PPIP5K1: variants seen among roughly 807,000 people sequenced by gnomAD.
The protein encoded by PPIP5K1 is inositol hexakisphosphate and diphosphoinositol-pentakisphosphate kinase 1.
In PPIP5K1, 6 loss-of-function variants were observed where a neutral mutation model predicts 27.7. The ratio of observed to expected loss-of-function variants is 0.22; its 90% CI spans 0.12 to 0.43. The LOEUF is 0.43. Ranked by LOEUF, PPIP5K1 falls within the 20% of genes least tolerant of loss-of-function variation. PPIP5K1 has a pLI of 1.00. For synonymous variants in PPIP5K1, 145 were observed against 242.6 expected (o/e 0.60, Z 3.74); for missense variants, 394 against 635.4 (o/e 0.62, Z 4.08).
At chr15:43,539,334 T>G in intron 31 of PPIP5K1, 136 bp downstream of exon 31, 1 of 686,596 alleles carries the variant, frequency 1.5e-6, no homozygotes, top group Non-Finnish European at 2.6e-6. Context: ...AAATGGCAGA[T>G]GAGACTGCTT....
intron 30 of PPIP5K1, among the ~76,000 whole-genome samples, chr15:43,543,746 C>G (rs910423717): frequency 6.6e-6 from 1 of 151,394 alleles, no homozygotes. Context: ...TGAAAATCCT[C>G]GTTCCTAATA....
At chr15:43,558,389 A>G (rs2141102984) in intron 30 of PPIP5K1, among the ~76,000 whole-genome samples, 1 of 152,036 alleles carries the variant, frequency 6.6e-6, no homozygotes, top group East Asian at 1.9e-4. Flanking sequence ...CACCGCACCC[A>G]GCTAATTTTG....
At chr15:43,538,462 G>A (rs920093494) in intron 31 of PPIP5K1, among the ~76,000 whole-genome samples, 24 of 152,230 alleles carry the variant, frequency 1.6e-4, no homozygotes, top group African/African-American at 5.8e-4. Context: ...ATTGAAAACA[G>A]GCAACAGAGA....
At chr15:43,548,513 G>A (rs2081672112) in intron 30 of PPIP5K1, 1 of 149,180 alleles carries the variant, frequency 6.7e-6, no homozygotes, top group Non-Finnish European at 1.5e-5. Flanking sequence ...GCCTCCCAAA[G>A]TGTTGGGATT....
chr15:43,538,662 C>T (rs988209282), intron 31 of PPIP5K1, among the ~76,000 whole-genome samples: 2 of 152,166 alleles, frequency 1.3e-5, no homozygotes, highest in African/African-American at 4.8e-5. Flanking sequence ...CAGGCACCCA[C>T]CACCACGCTC....
chr15:43,545,365 A>G (rs1261650377), intron 30 of PPIP5K1, among the ~76,000 whole-genome samples: 1 of 152,076 alleles, frequency 6.6e-6, no homozygotes, highest in Non-Finnish European at 1.5e-5. Context: ...CCAATCTAAC[A>G]GGTGAGAAAT....
rs1249887922 is a variant in PPIP5K1 at position 43,534,891 on chromosome 15, T to C, written c.4256A>G (p.Gln1419Arg). The C allele has an allele frequency of 6.2e-7, 1 of 1,614,166 alleles. No homozygotes were observed. The highest frequency in any genetic ancestry group is 8.5e-7 in the Non-Finnish European group (1 of 1,180,002). Residue 1419 changes from glutamine to arginine, a missense_variant, in exon 32 of 32, where the codon CAG becomes CGG. Transcript: ENST00000420765. ...KFHVGVGSLV[Q>R]ETLVEVGSPA... ...GCTGCCAACTTCTACAAGGGTTTCCTGGACCAAGCTACCAACCCCTACATG... is the reference window on the plus strand; with the variant it reads ...GCTGCCAACTTCTACAAGGGTTTCCCGGACCAAGCTACCAACCCCTACATG...
chr15:43,536,789 C>T (rs1399992110), intron 31 of PPIP5K1, among the ~76,000 whole-genome samples: 1 of 152,178 alleles, frequency 6.6e-6, no homozygotes, highest in Non-Finnish European at 1.5e-5. Context: ...ATGATTCCTA[C>T]TCCATCCTCT....
intron 30 of PPIP5K1, among the ~76,000 whole-genome samples, chr15:43,540,119 G>A (rs1338576700): frequency 2.0e-5 from 3 of 152,062 alleles, no homozygotes; most frequent in Non-Finnish European, 4.4e-5. Context: ...CGGCATGGTG[G>A]CACATGCCTG....
intron 30 of PPIP5K1, among the ~76,000 whole-genome samples, chr15:43,552,153 C>T (rs947539661): frequency 6.6e-6 from 1 of 152,106 alleles, no homozygotes; most frequent in Non-Finnish European, 1.5e-5. Flanking sequence ...TGAAGTCTCA[C>T]TATATTGCCC....
intron 31 of PPIP5K1, 130 bp from the exon 32 acceptor site, chr15:43,535,606 T>TC: frequency 1.3e-6 from 1 of 759,168 alleles, no homozygotes; most frequent in Non-Finnish European, 2.1e-6. Context: ...TCCAAATTCT[T>TC]CCTAAGTTAA....
chr15:43,558,490 T>C (rs2083316112), intron 30 of PPIP5K1, among the ~76,000 whole-genome samples: 1 of 152,144 alleles, frequency 6.6e-6, no homozygotes, highest in African/African-American at 2.4e-5. Context: ...CCTCCCAAAG[T>C]GCTGGGATTA....
At position 43,533,652 on chromosome 15, in the gene PPIP5K1, T is replaced by C. The variant is rs958386060; in HGVS notation, c.*1022A>G. ...GACAAATTTCTTGGGGACCCTGCAGTGTTTGGTCTTTGGCCAGTCTGTCCC... is the reference window on the plus strand; with the variant it reads ...GACAAATTTCTTGGGGACCCTGCAGCGTTTGGTCTTTGGCCAGTCTGTCCC... On this transcript the variant is annotated 3_prime_UTR_variant, in exon 32 of 32. Coordinates refer to ENST00000420765, the MANE Select transcript of PPIP5K1 (RefSeq NM_001394395.1). 6.6e-6 allele frequency: 1 copy of C among 152,530 alleles called. No individual in the cohort carries two copies. The highest frequency in any genetic ancestry group is 2.4e-5 in the African/African-American group (1 of 41,414). 9.4% of individuals were successfully genotyped at this position (152,530 alleles called of 1,614,324 possible).
At chr15:43,558,652 C>T in intron 30 of PPIP5K1, 143 bp downstream of exon 30, 1 of 1,201,996 alleles carries the variant, frequency 8.3e-7, no homozygotes, top group Non-Finnish European at 1.1e-6. Flanking sequence ...CCACTGCGCC[C>T]AGCCAGCAAT....
intron 30 of PPIP5K1, among the ~76,000 whole-genome samples, chr15:43,543,439 CAAAA>C (rs961294039): frequency 2.7e-5 from 4 of 149,756 alleles, no homozygotes; most frequent in African/African-American, 9.8e-5. Flanking sequence ...AACAAACAAA[CAAAA>C]CAAAAAAAAA....
intron 30 of PPIP5K1, among the ~76,000 whole-genome samples, chr15:43,545,127 G>A (rs1185777310): frequency 3.3e-5 from 5 of 150,982 alleles, no homozygotes; most frequent in East Asian, 1.9e-4. Context: ...GCAGTGAGCC[G>A]AGATGGCACT....
intron 30 of PPIP5K1, among the ~76,000 whole-genome samples, chr15:43,550,126 A>T (rs1353326175): frequency 6.6e-6 from 1 of 151,484 alleles, no homozygotes; most frequent in African/African-American, 2.4e-5. Flanking sequence ...TTGTGAGTTG[A>T]TCTTTCTTTT....
chr15:43,533,728 C>T lies in PPIP5K1; in HGVS notation c.*946G>A, dbSNP rs1484133270. 1.3e-5 allele frequency: 2 copies of T among 151,940 alleles called. No homozygotes were observed. The highest frequency in any genetic ancestry group is 2.9e-5 in the Non-Finnish European group (2 of 67,984). 9.4% of individuals were successfully genotyped at this position (151,940 alleles called of 1,614,324 possible). A position where few individuals can be genotyped will look rare whatever the true frequency, so the allele number is the denominator to read the frequency against. The stretch of plus-strand genomic sequence containing the variant: ...TATATATATATTTATTAAACCTTTG[C>T]TTGTATCTGTACAATATTGATCTCT... On this transcript the variant is annotated 3_prime_UTR_variant, in exon 32 of 32. Coordinates refer to ENST00000420765, the MANE Select transcript of PPIP5K1 (RefSeq NM_001394395.1).
intron 30 of PPIP5K1, among the ~76,000 whole-genome samples, chr15:43,541,454 T>C (rs1379570848): frequency 2.0e-5 from 3 of 152,030 alleles, no homozygotes; most frequent in Non-Finnish European, 4.4e-5. Flanking sequence ...CGGTGGCTCA[T>C]GCCTGTAATC....
Sources: gnomAD v4.1 joint callset for allele counts (sites outside exome capture counted in the v4.1 genomes callset) on GRCh38, gnomAD v4.1.1 for gene constraint, MANE v1.5 for transcripts, NCBI Gene and HGNC (gene_info 2026-07-23, HGNC 2026-07-21) for gene names.